Variants in ACBD6 observed in about 807,000 individuals in gnomAD.
ACBD6 encodes the protein acyl-CoA binding domain containing 6, also known as acyl-CoA-binding domain-containing protein 6.
Under a neutral mutation model 37.2 loss-of-function variants are expected in ACBD6, and 28 were observed. The ratio of observed to expected loss-of-function variants is 0.75; its 90% confidence interval spans 0.56 to 1.03. The LOEUF (loss-of-function observed/expected upper bound fraction) is 1.03. Ranked by LOEUF, ACBD6 falls within the 50% of genes least tolerant of loss-of-function variation. ACBD6 has a pLI of 0.00. For missense variants in ACBD6, 340 were observed against 337.4 expected, an observed-to-expected ratio of 1.01 and a Z score of -0.06; for synonymous variants, 113 against 126.8, an observed-to-expected ratio of 0.89 and a Z score of 0.73.
intron 6 of ACBD6, among the ~76,000 whole-genome samples, chr1:180,361,437 T>G (rs1652849077): frequency 6.7e-6 from 1 of 148,998 alleles, no homozygotes; most frequent in Admixed American, 6.8e-5. Context: ...AAACACATAA[T>G]GGAATCTGTA....
At chr1:180,415,144 A>C (rs1648029145) in intron 4 of ACBD6, among the ~76,000 whole-genome samples, 1 of 152,102 alleles carries the variant, frequency 6.6e-6, no homozygotes, top group Non-Finnish European at 1.5e-5. Context: ...AACAAACATC[A>C]GGTCTGCATT....
At chr1:180,311,320 C>T (rs1195473440) in intron 7 of ACBD6, among the ~76,000 whole-genome samples, 5 of 152,186 alleles carry the variant, frequency 3.3e-5, no homozygotes, top group Middle Eastern at 3.2e-3. Flanking sequence ...GAAAGTCTTT[C>T]GTCTCTGATC....
At chr1:180,454,762 T>G (rs895216279) in intron 3 of ACBD6, among the ~76,000 whole-genome samples, 2 of 151,904 alleles carry the variant, frequency 1.3e-5, no homozygotes, top group African/African-American at 4.8e-5. Flanking sequence ...AACAAACATA[T>G]GAAAAAAAGC....
At chr1:180,279,204 A>C (rs1220146344) in intron 9 of ACBD6, among the ~76,000 whole-genome samples, 2 of 152,204 alleles carry the variant, frequency 1.3e-5, no homozygotes, top group African/African-American at 2.4e-5. Flanking sequence ...TCTAATAGTC[A>C]TTTCCTGGGC....
At chr1:180,340,782 T>C (rs911318619) in intron 6 of ACBD6, among the ~76,000 whole-genome samples, 5 of 151,984 alleles carry the variant, frequency 3.3e-5, no homozygotes, top group African/African-American at 2.4e-5. Flanking sequence ...AAGTGAACTA[T>C]AAAAGCACAG....
chr1:180,417,646 T>C (rs1477254403), intron 4 of ACBD6, among the ~76,000 whole-genome samples: 1 of 152,194 alleles, frequency 6.6e-6, no homozygotes, highest in Non-Finnish European at 1.5e-5. Context: ...ACACCTCAGT[T>C]TTGGGCCAAT....
intron 3 of ACBD6, chr1:180,436,026 C>A: frequency 1.4e-6 from 1 of 712,848 alleles, no homozygotes; most frequent in Non-Finnish European, 2.4e-6. Flanking sequence ...TAATGTTGTA[C>A]GTCTGGAATG....
chr1:180,382,577 A>C (rs1485848443), intron 6 of ACBD6, among the ~76,000 whole-genome samples: 1 of 152,194 alleles, frequency 6.6e-6, no homozygotes, highest in Non-Finnish European at 1.5e-5. Flanking sequence ...CTCTCAACAA[A>C]GAAAAGTCCA....
intron 3 of ACBD6, among the ~76,000 whole-genome samples, chr1:180,430,596 G>T (rs1057414607): frequency 6.6e-6 from 1 of 151,234 alleles, no homozygotes; most frequent in Non-Finnish European, 1.5e-5. Flanking sequence ...ATAAATCCCA[G>T]ACATGAATGT....
chr1:180,302,545 CTTTT>C (rs1558240532), intron 7 of ACBD6, among the ~76,000 whole-genome samples: 1 of 151,996 alleles, frequency 6.6e-6, no homozygotes, highest in Non-Finnish European at 1.5e-5. Context: ...CAACCCCTGT[CTTTT>C]TTTGTTTTCC....
chr1:180,502,426 T>C lies in ACBD6; in HGVS notation c.-160A>G. On this transcript the variant is annotated 5_prime_UTR_variant, in exon 1 of 8. Transcript: ENST00000367595. Reference sequence around the variant, plus strand: ...CGCTCCCTCACGTGACCCTGCTCCCTGCCCACTTCTACTCCCTGGGCGTGC... The same window carrying C: ...CGCTCCCTCACGTGACCCTGCTCCCCGCCCACTTCTACTCCCTGGGCGTGC... 1 of 760,340 alleles carries C rather than the reference T, an allele frequency of 1.3e-6. No homozygotes were observed. 47.1% of individuals were successfully genotyped at this position (760,340 alleles called of 1,614,324 possible). A position where few individuals can be genotyped will look rare whatever the true frequency, so the allele number is the denominator to read the frequency against.
At chr1:180,394,391 GTT>G (rs201149746) in intron 6 of ACBD6, among the ~76,000 whole-genome samples, 7 of 146,932 alleles carry the variant, frequency 4.8e-5, no homozygotes, top group Admixed American at 1.4e-4. Flanking sequence ...CATCTGGCCA[GTT>G]TTTTTTTTTT....
In ACBD6 at chr1:180,288,495, A is replaced by G; in HGVS notation, c.717T>C (p.Asp239=). The G allele has an allele frequency of 6.2e-7, 1 of 1,613,654 alleles. No homozygotes were observed. The highest frequency in any genetic ancestry group is 8.5e-7 in the Non-Finnish European group (1 of 1,179,868). Residue 239 remains aspartate, a synonymous_variant, in exon 8 of 8, where the codon GAT becomes GAC. Transcript: ENST00000367595. ...CAGACTGGAGCAGCAGCTCTACAAT[A>G]TCCAGAAACTCACAGGCAGAGGCTG... is the stretch of plus-strand genomic sequence containing the variant. The part of the protein sequence containing the change: ...LHYASACEFL[D]IVELLLQSGA...
intron 6 of ACBD6, among the ~76,000 whole-genome samples, chr1:180,342,064 T>C (rs1652004202): frequency 6.6e-6 from 1 of 152,198 alleles, no homozygotes; most frequent in Non-Finnish European, 1.5e-5. Context: ...TGCTGTGGGC[T>C]GAAGTGTTCT....
rs190837815 is a variant in ACBD6 at position 180,271,329 on chromosome 1, G to A, written c.*1896C>T. Reference sequence around the variant, plus strand: ...TGGAAGGGAGGGTGTGGGAGGAGGCGCAGCTGCTGCAGATAGGCCGAAGCC... The same window carrying A: ...TGGAAGGGAGGGTGTGGGAGGAGGCACAGCTGCTGCAGATAGGCCGAAGCC... On this transcript the variant is annotated 3_prime_UTR_variant, in exon 14 of 14. Coordinates refer to the ACBD6 transcript ENST00000642319. 22 of 1,605,332 alleles carry A rather than the reference G, an allele frequency of 1.4e-5. No homozygotes were observed. The Admixed American group carries it at 2.2e-4, about 16-fold the overall frequency.
chr1:180,425,132 T>C (rs1648531200), intron 4 of ACBD6, among the ~76,000 whole-genome samples: 1 of 152,182 alleles, frequency 6.6e-6, no homozygotes. Flanking sequence ...TGGTGTGTTA[T>C]TATCTAGGAG....
In ACBD6 at chr1:180,304,504, C is replaced by A. The variant is rs1372643326; in HGVS notation, c.694+10188G>T. Reference sequence around the variant, plus strand: ...ATCATGAGTGAACTCCCATTCACAACTGCTTCAAAGAGAATAAAATACCTA... The same window carrying A: ...ATCATGAGTGAACTCCCATTCACAAATGCTTCAAAGAGAATAAAATACCTA... On this transcript the variant is annotated intron_variant, in intron 7 of 7. Transcript: ENST00000367595. Among the ~76,000 whole-genome samples the A allele has an allele frequency of 1.3e-5, 2 of 150,510 alleles. 1 individual carries two copies. Among genetic ancestry groups the A allele is most frequent in the Non-Finnish European group, 3.0e-5 (2 of 67,416 alleles).
At chr1:180,410,179 C>G (rs1294496026) in intron 5 of ACBD6, among the ~76,000 whole-genome samples, 1 of 152,218 alleles carries the variant, frequency 6.6e-6, no homozygotes. Context: ...AAGTCTGAAG[C>G]TAGCAAAGGC....
intron 5 of ACBD6, 101 bp downstream of exon 5, chr1:180,413,265 T>A: frequency 1.2e-6 from 1 of 845,004 alleles, no homozygotes; most frequent in Non-Finnish European, 2.0e-6. Flanking sequence ...TTAACCATAC[T>A]GTACTTTGAG....
Sources: allele counts gnomAD v4.1 joint callset (sites outside exome capture counted in the v4.1 genomes callset), GRCh38; gene constraint gnomAD v4.1.1; transcripts MANE v1.5; gene names NCBI Gene and HGNC (gene_info 2026-07-23, HGNC 2026-07-21).